The following MLIP variants were observed in gnomAD, a reference collection of about 807,000 sequenced individuals.
MLIP encodes muscular LMNA interacting protein.
MLIP carries 79 observed loss-of-function variants against 84.8 expected under a neutral mutation model. The ratio of observed to expected loss-of-function variants is 0.93; its 90% CI spans 0.78 to 1.12. The LOEUF (loss-of-function observed/expected upper bound fraction) is 1.12. MLIP is among the 50% of genes most tolerant of loss of function. The pLI, the probability that MLIP is intolerant of heterozygous loss-of-function variation, is 0.00. For missense variants in MLIP, 1,257 were observed against 1,160.6 expected (o/e 1.08, Z -1.21); for synonymous variants, 504 against 463.0 (o/e 1.09, Z -1.14).
chr6:54,100,106 T>A (rs1768531834), intron 1 of MLIP, among the ~76,000 whole-genome samples: 1 of 152,150 alleles, frequency 6.6e-6, no homozygotes, highest in Non-Finnish European at 1.5e-5. Context: ...ACAACAATAA[T>A]AACTAATCTC....
chr6:54,201,599 C>T (rs1778683124), intron 10 of MLIP, among the ~76,000 whole-genome samples: 1 of 152,138 alleles, frequency 6.6e-6, no homozygotes, highest in Non-Finnish European at 1.5e-5. Flanking sequence ...TGCCACCCAC[C>T]CTCCACTCTT....
chr6:54,211,581 A>T (rs1174803324), intron 11 of MLIP, among the ~76,000 whole-genome samples: 3 of 152,328 alleles, frequency 2.0e-5, no homozygotes, highest in African/African-American at 7.2e-5. Context: ...CATTGTGGTT[A>T]ATCACCTCTA....
At chr6:54,151,055 G>C (rs1022228641) in intron 5 of MLIP, among the ~76,000 whole-genome samples, 1 of 152,056 alleles carries the variant, frequency 6.6e-6, no homozygotes, top group African/African-American at 2.4e-5. Flanking sequence ...TATTCTAGAG[G>C]GTGCTGCATT....
intron 3 of MLIP, among the ~76,000 whole-genome samples, chr6:54,128,713 G>C (rs928461065): frequency 1.3e-5 from 2 of 152,134 alleles, no homozygotes; most frequent in Non-Finnish European, 2.9e-5. Flanking sequence ...ACCAAAATGA[G>C]ATGGGCAATT....
At chr6:54,234,453 A>G (rs1781229018) in intron 12 of MLIP, among the ~76,000 whole-genome samples, 1 of 152,160 alleles carries the variant, frequency 6.6e-6, no homozygotes, top group Non-Finnish European at 1.5e-5. Flanking sequence ...ATTCTTCTCC[A>G]TTGGATTCCT....
intron 1 of MLIP, chr6:54,083,336 A>G: frequency 1.3e-6 from 1 of 749,208 alleles, no homozygotes; most frequent in Non-Finnish European, 2.0e-6. Flanking sequence ...TAAGGTCAAG[A>G]TAGGTTAATA....
At chr6:54,141,641 T>A (rs1772324843) in intron 4 of MLIP, among the ~76,000 whole-genome samples, 1 of 146,470 alleles carries the variant, frequency 6.8e-6, no homozygotes, top group South Asian at 2.1e-4. Flanking sequence ...GTCTGAGACT[T>A]TTTTTTCCCA....
chr6:54,196,602 T>G (rs185770195), intron 10 of MLIP, among the ~76,000 whole-genome samples: 2 of 152,244 alleles, frequency 1.3e-5, no homozygotes, highest in East Asian at 3.9e-4. Flanking sequence ...GCACTTGGGT[T>G]GATTCCATGT....
At chr6:54,023,205 A>G (rs1441603723) in intron 1 of MLIP, among the ~76,000 whole-genome samples, 4 of 151,414 alleles carry the variant, frequency 2.6e-5, no homozygotes, top group Non-Finnish European at 4.4e-5. Context: ...AATGATAACA[A>G]GAAGAGTATA....
At chr6:54,214,021 A>G (rs576101278) in intron 11 of MLIP, among the ~76,000 whole-genome samples, 2 of 152,250 alleles carry the variant, frequency 1.3e-5, no homozygotes, top group South Asian at 2.1e-4. Context: ...AGATAATCCT[A>G]TCTCTTTACA....
At chr6:54,114,808 G>T (rs1245793218) in intron 1 of MLIP, among the ~76,000 whole-genome samples, 1 of 152,126 alleles carries the variant, frequency 6.6e-6, no homozygotes, top group East Asian at 1.9e-4. Context: ...ATACCTCATT[G>T]AATAAATGAA....
At chr6:54,173,251 C>G (rs997269972) in intron 9 of MLIP, among the ~76,000 whole-genome samples, 1 of 151,666 alleles carries the variant, frequency 6.6e-6, no homozygotes, top group Non-Finnish European at 1.5e-5. Context: ...GTCAAAGTTT[C>G]TGCCATTTGA....
Position 54,160,789 on chromosome 6 carries a change from A to C in MLIP, c.2489A>C (p.Asp830Ala). 6.2e-7 allele frequency: 1 copy of C among 1,605,422 alleles called. No individual in the cohort carries two copies. Among genetic ancestry groups the C allele is most frequent in the South Asian group, 1.1e-5 (1 of 90,810 alleles). Reference protein sequence around the residue: ...SRSPKTLLGSDTVKTPTTLPR... With the variant: ...SRSPKTLLGSATVKTPTTLPR... ...TCCCCAAAGACATTGTTGGGTTCTG[A>C]CACAGTCAAAGTATGTATGTATTTA... Residue 830 changes from aspartate (D) to alanine (A), a missense_variant, in exon 8 of 14, where the codon GAC becomes GCC. By Grantham distance (126) the Asp-to-Ala change is moderately radical. Coordinates refer to ENST00000502396, the MANE Select transcript of MLIP (RefSeq NM_001281747.2).
At chr6:54,258,685 A>G (rs1030669528) in intron 13 of MLIP, among the ~76,000 whole-genome samples, 1 of 152,078 alleles carries the variant, frequency 6.6e-6, no homozygotes, top group African/African-American at 2.4e-5. Context: ...ACTATACATT[A>G]GAAACAGTGT....
At chr6:54,251,024 G>T (rs1332974136) in intron 12 of MLIP, among the ~76,000 whole-genome samples, 1 of 151,976 alleles carries the variant, frequency 6.6e-6, no homozygotes, top group Non-Finnish European at 1.5e-5. Context: ...TCTGTTCACT[G>T]ATTGTTATAT....
At chr6:54,041,082 A>G (rs1179367732) in intron 1 of MLIP, 2 of 152,096 alleles carry the variant, frequency 1.3e-5, no homozygotes, top group Admixed American at 1.3e-4. Context: ...AGCTGAAATT[A>G]AAAACAAAAA....
At chr6:54,208,036 G>C (rs1220091968) in intron 11 of MLIP, among the ~76,000 whole-genome samples, 1 of 152,008 alleles carries the variant, frequency 6.6e-6, no homozygotes, top group Non-Finnish European at 1.5e-5. Flanking sequence ...GCTGAGGCGG[G>C]AGAATGGCGT....
At chr6:54,095,053 C>T (rs935809862) in intron 1 of MLIP, among the ~76,000 whole-genome samples, 2 of 152,184 alleles carry the variant, frequency 1.3e-5, no homozygotes, top group Non-Finnish European at 2.9e-5. Flanking sequence ...ATCACCACCA[C>T]GCTCCACAGC....
chr6:54,081,389 A>G (rs891243256), intron 1 of MLIP, among the ~76,000 whole-genome samples: 25 of 102,312 alleles, frequency 2.4e-4, no homozygotes, highest in Non-Finnish European at 6.2e-4. Flanking sequence ...GTTGGGGTCC[A>G]CATATTTTTT....
Sources: allele counts gnomAD v4.1 joint callset (sites outside exome capture counted in the v4.1 genomes callset), GRCh38; gene constraint gnomAD v4.1.1; transcripts MANE v1.5; gene names NCBI Gene and HGNC (gene_info 2026-07-23, HGNC 2026-07-21).